Variants in CLVS1 observed in about 807,000 individuals in gnomAD.
CLVS1 encodes clavesin-1.
In CLVS1, 10 loss-of-function variants were observed where a neutral mutation model predicts 33.1. The ratio of observed to expected loss-of-function variants is 0.30; its 90% CI spans 0.19 to 0.51. The LOEUF is 0.51. CLVS1 is among the 20% of genes least tolerant of loss of function. CLVS1 has a pLI of 0.97. For synonymous variants in CLVS1, 163 were observed against 166.1 expected (o/e 0.98, Z 0.14); for missense variants, 343 against 433.4 (o/e 0.79, Z 1.85).
At chr8:61,307,374 C>A (rs1810667194) in intron 2 of CLVS1, among the ~76,000 whole-genome samples, 1 of 152,026 alleles carries the variant, frequency 6.6e-6, no homozygotes, top group South Asian at 2.1e-4. Flanking sequence ...AGTTGGTAAA[C>A]AATTTGATTA....
chr8:61,463,690 C>T (rs116428215), intron 5 of CLVS1, among the ~76,000 whole-genome samples: 38 of 152,250 alleles, frequency 2.5e-4, no homozygotes, highest in African/African-American at 9.1e-4. Context: ...TATAGGAGCA[C>T]ATTTCACGGT....
chr8:61,467,748 G>A (rs1175969293), intron 5 of CLVS1, among the ~76,000 whole-genome samples: 1 of 152,222 alleles, frequency 6.6e-6, no homozygotes, highest in South Asian at 2.1e-4. Context: ...CATCTTGGCT[G>A]TACCACATTG....
intron 2 of CLVS1, among the ~76,000 whole-genome samples, chr8:61,160,741 T>C (rs1806735698): frequency 6.6e-6 from 1 of 152,194 alleles, no homozygotes; most frequent in Non-Finnish European, 1.5e-5. Flanking sequence ...ATTTAGAGGA[T>C]GGAATTGACA....
chr8:61,406,438 A>G (rs1814988769), intron 3 of CLVS1, among the ~76,000 whole-genome samples: 1 of 152,212 alleles, frequency 6.6e-6, no homozygotes, highest in South Asian at 2.1e-4. Flanking sequence ...TAGGCTAGCA[A>G]TAAGTTGCGT....
At chr8:61,163,437 G>C (rs1806789882) in intron 2 of CLVS1, among the ~76,000 whole-genome samples, 1 of 152,132 alleles carries the variant, frequency 6.6e-6, no homozygotes, top group Non-Finnish European at 1.5e-5. Flanking sequence ...GACAGATAAT[G>C]GATCTTTTGA....
chr8:61,348,642 T>C (rs2129598803), intron 2 of CLVS1, among the ~76,000 whole-genome samples: 1 of 152,252 alleles, frequency 6.6e-6, no homozygotes, highest in East Asian at 1.9e-4. Flanking sequence ...TTTAGGTTGA[T>C]TTCATATTTT....
chr8:61,419,910 T>C (rs567026248), intron 3 of CLVS1, among the ~76,000 whole-genome samples: 9 of 152,370 alleles, frequency 5.9e-5, no homozygotes, highest in South Asian at 2.1e-4. Flanking sequence ...TCCTAACCCC[T>C]TGATATTTGC....
intron 3 of CLVS1, among the ~76,000 whole-genome samples, chr8:61,445,098 A>G (rs989417430): frequency 6.6e-6 from 1 of 152,198 alleles, no homozygotes; most frequent in African/African-American, 2.4e-5. Flanking sequence ...AATTACATTG[A>G]TTTCTATAAT....
chr8:61,418,531 C>T (rs902420829), intron 3 of CLVS1, among the ~76,000 whole-genome samples: 3 of 152,200 alleles, frequency 2.0e-5, no homozygotes, highest in Admixed American at 6.5e-5. Flanking sequence ...TTCTTCTACC[C>T]TTTCTCCATA....
At chr8:61,473,521 G>C (rs1391842975) in intron 5 of CLVS1, among the ~76,000 whole-genome samples, 2 of 152,128 alleles carry the variant, frequency 1.3e-5, no homozygotes, top group African/African-American at 4.8e-5. Context: ...TGAGTGCAAT[G>C]AATAGATAAG....
intron 1 of CLVS1, among the ~76,000 whole-genome samples, chr8:61,298,602 A>G (rs756631167): frequency 6.6e-6 from 1 of 152,190 alleles, no homozygotes; most frequent in African/African-American, 2.4e-5. Flanking sequence ...GATTGGGAGT[A>G]AATATTCTGC....
Position 61,476,083 on chromosome 8 carries a change from G to T in CLVS1, c.977+17541G>T, listed in dbSNP as rs1412552654. Among the ~76,000 whole-genome samples the T allele has an allele frequency of 4.6e-5, 7 of 152,102 alleles. No homozygotes were observed. In the East Asian group the frequency reaches 1.2e-3, roughly 25 times the overall value. ...TTTCCCCATTGCTTGTTTTTCTCAG[G>T]TTTGTCAAAGATCAGATAGTTGTAG... is the stretch of plus-strand genomic sequence containing the variant. On this transcript the variant is annotated intron_variant, in intron 5 of 5. Transcript: ENST00000325897.
At chr8:61,020,366 T>C in the CLVS1 span, among the ~76,000 whole-genome samples, 1 of 152,238 alleles carries the variant, frequency 6.6e-6, no homozygotes, top group Non-Finnish European at 1.5e-5. Context: ...TGAGATTGTG[T>C]TAGCTTATTC....
chr8:61,053,756 T>C (rs577207171), upstream of CLVS1, among the ~76,000 whole-genome samples: 1 of 152,266 alleles, frequency 6.6e-6, no homozygotes, highest in South Asian at 2.1e-4. Flanking sequence ...CCAATTAGGG[T>C]TCTCTTTGAA....
chr8:61,435,741 G>A (rs911600187), intron 3 of CLVS1, among the ~76,000 whole-genome samples: 2 of 151,716 alleles, frequency 1.3e-5, no homozygotes, highest in Non-Finnish European at 2.9e-5. Context: ...CTACTGTCTT[G>A]TACAGATAAA....
chr8:61,457,023 C>T (rs1469916086), intron 4 of CLVS1, among the ~76,000 whole-genome samples: 3 of 151,800 alleles, frequency 2.0e-5, no homozygotes, highest in Admixed American at 1.3e-4. Flanking sequence ...CTGCAACCTC[C>T]GCCTCCTGGG....
chr8:61,060,619 C>T (rs1438983979), intron 1 of CLVS1, among the ~76,000 whole-genome samples: 2 of 152,298 alleles, frequency 1.3e-5, no homozygotes, highest in East Asian at 3.9e-4. Flanking sequence ...AGCGCCCCTT[C>T]CCACCCCTTA....
chr8:61,273,529 C>T (rs1809496265), intron 2 of CLVS1, among the ~76,000 whole-genome samples: 1 of 152,270 alleles, frequency 6.6e-6, no homozygotes, highest in East Asian at 1.9e-4. Context: ...CCAGTTGGAG[C>T]TTCCCAGCTG....
At chr8:60,999,176 G>A in the CLVS1 span, among the ~76,000 whole-genome samples, 2 of 152,202 alleles carry the variant, frequency 1.3e-5, no homozygotes, top group East Asian at 3.8e-4. Context: ...CTCTAAGACG[G>A]AGCAAGACTT....
Sources: gnomAD v4.1 joint callset for allele counts (sites outside exome capture counted in the v4.1 genomes callset) on GRCh38, gnomAD v4.1.1 for gene constraint, MANE v1.5 for transcripts, NCBI Gene and HGNC (gene_info 2026-07-23, HGNC 2026-07-21) for gene names.